The following ERC2 variants were observed in gnomAD, a reference collection of about 807,000 sequenced individuals.
ERC2 encodes the protein ELKS/RAB6-interacting/CAST family member 2.
A neutral mutation model predicts 114.8 loss-of-function variants in ERC2; 42 were observed. That is an observed-to-expected ratio of 0.37 (90% CI 0.29 to 0.47). The LOEUF is 0.47. Among genes scored for constraint, ERC2 ranks in the 20% least tolerant of loss-of-function variants. ERC2 has a pLI of 0.99. For synonymous variants in ERC2, 454 were observed against 425.5 expected (o/e 1.07, Z -0.82); for missense variants, 939 against 1,150.7 (o/e 0.82, Z 2.66).
At chr3:56,315,538 T>C (rs935123320) in intron 2 of ERC2, among the ~76,000 whole-genome samples, 3 of 152,186 alleles carry the variant, frequency 2.0e-5, no homozygotes, top group African/African-American at 7.2e-5. Context: ...AAAATTTTCC[T>C]TAAAACGAAG....
At chr3:56,203,105 C>T (rs1270443675) in intron 3 of ERC2, among the ~76,000 whole-genome samples, 1 of 152,156 alleles carries the variant, frequency 6.6e-6, no homozygotes, top group Non-Finnish European at 1.5e-5. Context: ...GCTCGTATTT[C>T]CTGAAAGACA....
intron 14 of ERC2, among the ~76,000 whole-genome samples, chr3:55,819,590 A>G (rs539468448): frequency 2.0e-5 from 3 of 152,388 alleles, no homozygotes; most frequent in African/African-American, 4.8e-5. Flanking sequence ...TAAAGATATA[A>G]TAGAGGGACA....
intron 12 of ERC2, among the ~76,000 whole-genome samples, chr3:55,953,023 C>T (rs774428025): frequency 1.3e-5 from 2 of 151,940 alleles, no homozygotes; most frequent in Non-Finnish European, 2.9e-5. Context: ...GAAACCCCAT[C>T]TCTACTAAAA....
rs151149746 is a variant in ERC2 at position 55,547,805 on chromosome 3, C to T, written c.*40-36529G>A. Reference sequence around the variant, plus strand: ...AATGAAAGAATTTTGCTACTAAAAGCGTTTTATAAGACCCTCAACAAACAC... The same window carrying T: ...AATGAAAGAATTTTGCTACTAAAAGTGTTTTATAAGACCCTCAACAAACAC... On this transcript the variant is annotated intron_variant, in intron 17 of 17. Transcript: ENST00000288221. Among the ~76,000 whole-genome samples the T allele has an allele frequency of 5.3e-3, 801 of 152,286 alleles. 2 individuals are homozygous for T. Among genetic ancestry groups the T allele is most frequent in the African/African-American group, 0.017 (726 of 41,562 alleles).
chr3:55,643,495 T>A (rs1378514949), intron 17 of ERC2, among the ~76,000 whole-genome samples: 15 of 152,134 alleles, frequency 9.9e-5, no homozygotes, highest in Non-Finnish European at 2.1e-4. Context: ...TTGAAAAAAA[T>A]TTGCATGCAA....
chr3:55,954,161 C>T (rs1468697532), intron 12 of ERC2, among the ~76,000 whole-genome samples: 1 of 119,710 alleles, frequency 8.4e-6, no homozygotes, highest in Non-Finnish European at 1.7e-5. Context: ...AACAGCATTA[C>T]GAATACATGC....
intron 2 of ERC2, among the ~76,000 whole-genome samples, chr3:56,377,031 C>A (rs568233503): frequency 6.6e-6 from 1 of 152,126 alleles, no homozygotes; most frequent in Non-Finnish European, 1.5e-5. Context: ...GCACCTCCCC[C>A]CATCACGATC....
intron 17 of ERC2, among the ~76,000 whole-genome samples, chr3:55,598,141 T>G (rs1215736561): frequency 6.6e-6 from 1 of 152,256 alleles, no homozygotes; most frequent in Non-Finnish European, 1.5e-5. Flanking sequence ...AATGTCTTTT[T>G]CAGCAAATTC....
At position 55,534,173 on chromosome 3, in the gene ERC2, C is replaced by T. The variant is rs182380311; in HGVS notation, c.*40-22897G>A. On this transcript the variant is annotated intron_variant, in intron 17 of 17. Coordinates refer to ENST00000288221, the MANE Select transcript of ERC2 (RefSeq NM_015576.3). ...GTGGCTCATGGCCATAATGCCAGCA[C>T]TTTGGAAGGCCAAGGTAGGAGGATT... Among the ~76,000 whole-genome samples, 10 of 152,342 alleles carry T rather than the reference C, an allele frequency of 6.6e-5. No homozygotes were observed. The East Asian group carries it at 1.9e-3, about 29-fold the overall frequency.
chr3:55,644,138 C>T (rs2060300207), intron 17 of ERC2, among the ~76,000 whole-genome samples: 1 of 152,146 alleles, frequency 6.6e-6, no homozygotes, highest in African/African-American at 2.4e-5. Flanking sequence ...GAGCTGTCAA[C>T]TAGTTGGTTG....
chr3:56,348,823 G>T (rs1200589675), intron 2 of ERC2, among the ~76,000 whole-genome samples: 3 of 149,442 alleles, frequency 2.0e-5, no homozygotes, highest in Non-Finnish European at 2.9e-5. Context: ...AGGTAAACAG[G>T]ATTCTTTACC....
At chr3:56,360,532 G>C (rs1396613295) in intron 2 of ERC2, among the ~76,000 whole-genome samples, 1 of 152,152 alleles carries the variant, frequency 6.6e-6, no homozygotes, top group Non-Finnish European at 1.5e-5. Flanking sequence ...GAGCTCCAAG[G>C]AGGAAAGGTC....
chr3:56,138,051 CTTTTTTTTTT>C (rs920983143), intron 6 of ERC2, among the ~76,000 whole-genome samples: 6 of 92,632 alleles, frequency 6.5e-5, no homozygotes, highest in South Asian at 7.2e-4. Flanking sequence ...AATGGTATTT[CTTTTTTTTTT>C]TTTTTTTTTT....
chr3:56,438,555 C>G (rs2107415476), intron 1 of ERC2, among the ~76,000 whole-genome samples: 1 of 151,330 alleles, frequency 6.6e-6, no homozygotes, highest in East Asian at 1.9e-4. Context: ...ATGATATATA[C>G]TTTTTTCATT....
intron 4 of ERC2, among the ~76,000 whole-genome samples, chr3:56,150,843 G>A (rs1367283042): frequency 6.6e-6 from 1 of 152,152 alleles, no homozygotes; most frequent in African/African-American, 2.4e-5. Flanking sequence ...CCCTCAATGT[G>A]ATGGTATTTG....
At chr3:55,921,145 AT>A (rs1283542514) in intron 13 of ERC2, among the ~76,000 whole-genome samples, 2 of 152,122 alleles carry the variant, frequency 1.3e-5, no homozygotes, top group African/African-American at 2.4e-5. Flanking sequence ...CATGGTTCAT[AT>A]TTGCTTTAAT....
intron 8 of ERC2, among the ~76,000 whole-genome samples, chr3:56,016,657 C>T (rs2073333166): frequency 6.6e-6 from 1 of 151,974 alleles, no homozygotes; most frequent in Non-Finnish European, 1.5e-5. Flanking sequence ...CCTGGTAATT[C>T]TGAAGTAACA....
At chr3:55,581,524 G>T (rs2057261120) in intron 17 of ERC2, among the ~76,000 whole-genome samples, 1 of 152,092 alleles carries the variant, frequency 6.6e-6, no homozygotes, top group African/African-American at 2.4e-5. Context: ...TATGGAGAGG[G>T]AATTCACCAT....
chr3:56,073,948 TATC>T (rs1322872110), intron 7 of ERC2, among the ~76,000 whole-genome samples: 1 of 152,182 alleles, frequency 6.6e-6, no homozygotes, highest in East Asian at 1.9e-4. Flanking sequence ...ACATATAACT[TATC>T]ATATTTTTAA....
Sources: gnomAD v4.1 joint callset for allele counts (sites outside exome capture counted in the v4.1 genomes callset) on GRCh38, gnomAD v4.1.1 for gene constraint, MANE v1.5 for transcripts, NCBI Gene and HGNC (gene_info 2026-07-23, HGNC 2026-07-21) for gene names.